The following DCHS2 variants were observed in gnomAD, a reference collection of about 807,000 sequenced individuals.
DCHS2 encodes the protein protocadherin-23.
In DCHS2, 142 loss-of-function variants were observed where a neutral mutation model predicts 182.4. That is an observed-to-expected ratio of 0.78 (90% confidence interval 0.68 to 0.89). DCHS2 has a LOEUF of 0.89. Ranked by LOEUF, DCHS2 falls within the 40% of genes least tolerant of loss-of-function variation. DCHS2 has a pLI of 0.00. For synonymous variants in DCHS2, 1,740 were observed against 1,663.3 expected (o/e 1.05, Z -1.12); for missense variants, 4,319 against 4,198.6 (o/e 1.03, Z -0.79).
At chr4:154,421,685 C>A (rs889951587) in intron 1 of DCHS2, among the ~76,000 whole-genome samples, 5 of 152,224 alleles carry the variant, frequency 3.3e-5, no homozygotes. Context: ...TAAGCCACCA[C>A]GCCCGAACTC....
At chr4:154,454,097 TC>T (rs1446395957) in intron 1 of DCHS2, among the ~76,000 whole-genome samples, 2 of 150,694 alleles carry the variant, frequency 1.3e-5, no homozygotes, top group African/African-American at 4.9e-5. Context: ...TTTTATATAT[TC>T]CCATTGTTCA....
intron 7 of DCHS2, chr4:154,322,757 A>C (rs1736114621): frequency 2.9e-6 from 1 of 343,984 alleles, no homozygotes. Context: ...GCTCATGGCC[A>C]ATCTTATTTC....
At chr4:154,303,979 T>G (rs960326076) in intron 12 of DCHS2, among the ~76,000 whole-genome samples, 3 of 152,100 alleles carry the variant, frequency 2.0e-5, no homozygotes, top group African/African-American at 7.2e-5. Flanking sequence ...TTAACATCTT[T>G]TTGGTTTACT....
At chr4:154,304,926 C>A in intron 11 of DCHS2, 48 bp from the exon 12 acceptor site, 1 of 1,549,688 alleles carries the variant, frequency 6.5e-7, no homozygotes, top group Non-Finnish European at 8.7e-7. Flanking sequence ...TTGATTCATA[C>A]CTAAAATATG....
intron 1 of DCHS2, among the ~76,000 whole-genome samples, chr4:154,401,190 A>G (rs560379464): frequency 6.6e-5 from 10 of 152,308 alleles, no homozygotes; most frequent in African/African-American, 2.2e-4. Context: ...TTCATTCAAC[A>G]TAAGTTTTTT....
intron 12 of DCHS2, among the ~76,000 whole-genome samples, chr4:154,300,872 G>C (rs1414387054): frequency 6.6e-6 from 1 of 152,184 alleles, no homozygotes; most frequent in Admixed American, 6.5e-5. Flanking sequence ...TCATGATCCG[G>C]CTTAGGCGAA....
intron 1 of DCHS2, among the ~76,000 whole-genome samples, chr4:154,388,496 T>TTA (rs1731519383): frequency 6.8e-6 from 1 of 146,176 alleles, no homozygotes; most frequent in Non-Finnish European, 1.5e-5. Flanking sequence ...TAGATGTAAT[T>TTA]TTTTTTTTTT....
chr4:154,481,087 A>G (rs1735902096), intron 1 of DCHS2, among the ~76,000 whole-genome samples: 1 of 152,156 alleles, frequency 6.6e-6, no homozygotes, highest in African/African-American at 2.4e-5. Flanking sequence ...ATTTTGTACA[A>G]ACAGCTCCTG....
At chr4:154,332,114 T>G (rs1019462503) in intron 5 of DCHS2, among the ~76,000 whole-genome samples, 1 of 152,208 alleles carries the variant, frequency 6.6e-6, no homozygotes, top group Non-Finnish European at 1.5e-5. Context: ...AAAGGATGGT[T>G]GTTGAAAAAA....
chr4:154,323,807 T>C (rs2111342967), intron 7 of DCHS2, among the ~76,000 whole-genome samples: 1 of 152,158 alleles, frequency 6.6e-6, no homozygotes, highest in South Asian at 2.1e-4. Flanking sequence ...TGTTTAGACT[T>C]GGGTCTCATC....
chr4:154,457,812 T>TG (rs997838435), intron 1 of DCHS2, among the ~76,000 whole-genome samples: 2 of 152,104 alleles, frequency 1.3e-5, no homozygotes, highest in Non-Finnish European at 2.9e-5. Context: ...TCAGTACACC[T>TG]GGGGGGAGCA....
chr4:154,308,043 G>T (rs957281936), intron 10 of DCHS2, among the ~76,000 whole-genome samples: 1 of 151,988 alleles, frequency 6.6e-6, no homozygotes, highest in Non-Finnish European at 1.5e-5. Context: ...TCCTTCTCTA[G>T]CTATAAGAAG....
chr4:154,298,253 T>C lies in DCHS2; in HGVS notation c.6061A>G (p.Thr2021Ala), dbSNP rs1398336292. The C allele has an allele frequency of 4.3e-6, 7 of 1,614,022 alleles. No homozygotes were observed. The highest frequency in any genetic ancestry group is 1.7e-5 in the Admixed American group (1 of 60,006). Reference protein sequence around the residue: ...DCSIQGSRSTTVIIKVYVTDV... With the variant: ...DCSIQGSRSTAVIIKVYVTDV... ...GTGACATATACTTTTATAATTACAG[T>C]GGTGCTTCGTGAACCCTGGATGCTA... The change falls in exon 13 of 20, where the codon ACT (threonine) becomes GCT (alanine). Residue 2021 changes from threonine (T) to alanine (A), a missense_variant. By Grantham distance (58) the Thr-to-Ala change is moderately conservative. Coordinates refer to ENST00000357232, the MANE Select transcript of DCHS2 (RefSeq NM_001358235.2).
At chr4:154,461,170 G>T (rs1734995756) in intron 1 of DCHS2, among the ~76,000 whole-genome samples, 1 of 152,092 alleles carries the variant, frequency 6.6e-6, no homozygotes. Context: ...CTAAGCAATA[G>T]TATCACCAAA....
At chr4:154,330,193 A>G (rs1297622429) in intron 5 of DCHS2, among the ~76,000 whole-genome samples, 1 of 152,228 alleles carries the variant, frequency 6.6e-6, no homozygotes, top group Non-Finnish European at 1.5e-5. Context: ...AGTATTGTGC[A>G]AGCTATACAT....
intron 13 of DCHS2, among the ~76,000 whole-genome samples, chr4:154,290,651 C>T (rs1319972084): frequency 1.3e-5 from 2 of 151,910 alleles, no homozygotes; most frequent in Non-Finnish European, 2.9e-5. Context: ...ACAGTGAACT[C>T]ATTTTTCACA....
At chr4:154,248,059 A>C (rs1006897020) in intron 16 of DCHS2, among the ~76,000 whole-genome samples, 1 of 152,174 alleles carries the variant, frequency 6.6e-6, no homozygotes, top group African/African-American at 2.4e-5. Context: ...ATATTTGATG[A>C]AAGGCAGTTA....
intron 7 of DCHS2, among the ~76,000 whole-genome samples, chr4:154,327,836 C>T (rs1054522396): frequency 6.6e-6 from 1 of 152,142 alleles, no homozygotes; most frequent in African/African-American, 2.4e-5. Context: ...GCAAATTACT[C>T]ACTAAAGATG....
intron 13 of DCHS2, among the ~76,000 whole-genome samples, chr4:154,296,557 T>C (rs1472071): frequency 0.87 from 132,012 of 152,174 alleles, 59,329 homozygotes; most frequent in Non-Finnish European, 0.98. Context: ...AATTGAGATG[T>C]TAAGTTTAAT....
Sources: gnomAD v4.1 joint callset for allele counts (sites outside exome capture counted in the v4.1 genomes callset) on GRCh38, gnomAD v4.1.1 for gene constraint, MANE v1.5 for transcripts, NCBI Gene and HGNC (gene_info 2026-07-23, HGNC 2026-07-21) for gene names.